SLC12A7: variants seen among roughly 807,000 people sequenced by gnomAD.
The protein encoded by SLC12A7 is K-Cl cotransporter 4.
A neutral mutation model predicts 120.6 loss-of-function variants in SLC12A7; 100 were observed. The ratio of observed to expected loss-of-function variants is 0.83; its 90% CI spans 0.71 to 0.98. The LOEUF is 0.98. Ranked by LOEUF, SLC12A7 falls within the 50% of genes least tolerant of loss-of-function variation. The probability of loss-of-function intolerance (pLI) is 0.00; values close to 1 mark genes in which losing one functional copy is unlikely to be tolerated. For missense variants in SLC12A7, 1,373 were observed against 1,548.1 expected, an observed-to-expected ratio of 0.89 and a Z score of 1.90; for synonymous variants, 760 against 678.0, an observed-to-expected ratio of 1.12 and a Z score of -1.88.
intron 3 of SLC12A7, among the ~76,000 whole-genome samples, chr5:1,091,454 G>A (rs1354850061): frequency 1.3e-5 from 2 of 152,130 alleles, no homozygotes; most frequent in East Asian, 1.9e-4. Flanking sequence ...GACCAGGCCC[G>A]TGGGAAGACA....
At chr5:1,154,351 C>T in the SLC12A7 span, among the ~76,000 whole-genome samples, 5 of 105,280 alleles carry the variant, frequency 4.7e-5, no homozygotes, top group African/African-American at 1.5e-4. Flanking sequence ...AACTGGTGTC[C>T]GCAACACACA....
chr5:1,123,633 T>C, the SLC12A7 span, among the ~76,000 whole-genome samples: 184 of 152,348 alleles, frequency 1.2e-3, no homozygotes, highest in African/African-American at 4.3e-3. Context: ...CGTTCCCCGC[T>C]GAGGGGCCGG....
chr5:1,094,961 A>G (rs13163084), intron 1 of SLC12A7, among the ~76,000 whole-genome samples: 149,048 of 150,900 alleles, frequency 0.99, 73,627 homozygotes, highest in East Asian at 1. Flanking sequence ...GCTCCCTGGC[A>G]GGTTGAGGCC....
upstream of SLC12A7, among the ~76,000 whole-genome samples, chr5:1,113,331 G>A (rs999595517): frequency 5.9e-5 from 9 of 152,230 alleles, no homozygotes; most frequent in Non-Finnish European, 1.3e-4. Flanking sequence ...GCAGCTGGAG[G>A]GGAGTGATGG....
At chr5:1,126,809 G>A in the SLC12A7 span, among the ~76,000 whole-genome samples, 5 of 152,274 alleles carry the variant, frequency 3.3e-5, no homozygotes, top group East Asian at 3.9e-4. Flanking sequence ...AGCTGAAACC[G>A]TGCTTAAGGG....
the SLC12A7 span, among the ~76,000 whole-genome samples, chr5:1,136,171 G>T: frequency 6.6e-6 from 1 of 152,168 alleles, no homozygotes; most frequent in Non-Finnish European, 1.5e-5. Flanking sequence ...GCTCCTGCAG[G>T]CACTGCTGTG....
chr5:1,130,628 G>GGTCCCCTCACCTCCTTAGC, the SLC12A7 span, among the ~76,000 whole-genome samples: 4 of 97,096 alleles, frequency 4.1e-5, no homozygotes, highest in Non-Finnish European at 6.6e-5. Flanking sequence ...GGTGGGGGCA[G>GGTCCCCTCACCTCCTTAGC]CAGGGAGGGA....
At chr5:1,148,638 G>T in the SLC12A7 span, among the ~76,000 whole-genome samples, 45 of 152,342 alleles carry the variant, frequency 3.0e-4, no homozygotes, top group Non-Finnish European at 6.2e-4. Flanking sequence ...AGCCTCAGTC[G>T]AGGAATGAGA....
At chr5:1,116,125 T>A (rs532039067), upstream of SLC12A7, among the ~76,000 whole-genome samples, 55 of 151,950 alleles carry the variant, frequency 3.6e-4, 1 homozygote, top group Middle Eastern at 6.8e-3. Context: ...CTGTGGGGGC[T>A]CGAAGGGAGC....
chr5:1,054,214 C>A (rs1165768269), intron 22 of SLC12A7, among the ~76,000 whole-genome samples: 1 of 152,250 alleles, frequency 6.6e-6, no homozygotes, highest in Non-Finnish European at 1.5e-5. Context: ...GCCGTCCAGC[C>A]CCCGCCTTCC....
At chr5:1,154,240 CGT>C in the SLC12A7 span, among the ~76,000 whole-genome samples, 1 of 152,002 alleles carries the variant, frequency 6.6e-6, no homozygotes, top group South Asian at 2.1e-4. Context: ...GTCTCCAAAG[CGT>C]GTGTGTCCAC....
At chr5:1,110,917 G>A (rs964656599) in intron 1 of SLC12A7, among the ~76,000 whole-genome samples, 3 of 152,216 alleles carry the variant, frequency 2.0e-5, no homozygotes, top group African/African-American at 7.2e-5. Context: ...TGGAGGGGAT[G>A]TCTGGCCTTT....
At position 1,073,622 on chromosome 5, in the gene SLC12A7, G is replaced by A. The variant is rs200677975; in HGVS notation, c.2241+11C>T. ...GAAAGAGGCCTGGCCCCCAGACCCCGCCCGGCCCACCTCCTCGGCCCGCTG... is the reference window on the plus strand; with the variant it reads ...GAAAGAGGCCTGGCCCCCAGACCCCACCCGGCCCACCTCCTCGGCCCGCTG... On this transcript the variant is annotated intron_variant, in intron 17 of 23. Coordinates refer to ENST00000264930, the MANE Select transcript of SLC12A7 (RefSeq NM_006598.3). The A allele has an allele frequency of 1.2e-3, 1,857 of 1,596,432 alleles. 6 individuals are homozygous for A. Among genetic ancestry groups the A allele is most frequent in the African/African-American group, 1.4e-3 (103 of 73,582 alleles).
chr5:1,132,046 G>A, the SLC12A7 span, among the ~76,000 whole-genome samples: 5 of 152,186 alleles, frequency 3.3e-5, no homozygotes, highest in South Asian at 2.1e-4. Flanking sequence ...GGACGACCGC[G>A]CAAGAGGCAG....
At chr5:1,066,773 G>A (rs1737099872) in intron 17 of SLC12A7, among the ~76,000 whole-genome samples, 3 of 152,186 alleles carry the variant, frequency 2.0e-5, no homozygotes, top group Non-Finnish European at 4.4e-5. Flanking sequence ...GGTCGCCCGG[G>A]GGCCCAGGAG....
chr5:1,141,414 T>C, the SLC12A7 span, among the ~76,000 whole-genome samples: 1 of 152,124 alleles, frequency 6.6e-6, no homozygotes, highest in Non-Finnish European at 1.5e-5. Flanking sequence ...GTAACTTGGC[T>C]GTCCCAGCCG....
chr5:1,086,999 C>T lies in SLC12A7; in HGVS notation c.579G>A (p.Leu193=). The T allele has an allele frequency of 1.2e-6, 2 of 1,612,796 alleles. No individual in the cohort carries two copies. The highest frequency in any genetic ancestry group is 1.3e-5 in the African/African-American group (1 of 75,076). ...CGACAGCGCCTCCAAACTCGGGTCC[C>T]AGCGAGCGCGATATCATGTAGTAGG... ...GGSYYMISRS[L]GPEFGGAVGL... is the part of the protein sequence containing the mutation. Residue 193 remains leucine, a synonymous_variant, in exon 6 of 24, where the codon CTG becomes CTA. Coordinates refer to ENST00000264930, the MANE Select transcript of SLC12A7 (RefSeq NM_006598.3).
At chr5:1,123,609 C>T in the SLC12A7 span, among the ~76,000 whole-genome samples, 15,905 of 152,288 alleles carry the variant, frequency 0.1, 895 homozygotes, top group East Asian at 0.19. Flanking sequence ...CAGAGACCGC[C>T]GCACAGAAGT....
At chr5:1,113,968 C>T (rs1043648669), upstream of SLC12A7, among the ~76,000 whole-genome samples, 1 of 152,220 alleles carries the variant, frequency 6.6e-6, no homozygotes, top group Non-Finnish European at 1.5e-5. Context: ...GGGCTCCCGT[C>T]GCACATCCAA....
Sources: gnomAD v4.1 joint callset for allele counts (sites outside exome capture counted in the v4.1 genomes callset) on GRCh38, gnomAD v4.1.1 for gene constraint, MANE v1.5 for transcripts, NCBI Gene and HGNC (gene_info 2026-07-23, HGNC 2026-07-21) for gene names.